CCDC30: variants seen among roughly 807,000 people sequenced by gnomAD.
The protein encoded by CCDC30 is coiled-coil domain-containing protein 30.
In CCDC30, 70 loss-of-function variants were observed where a neutral mutation model predicts 100.2. The observed-to-expected ratio is 0.70, with a 90% CI of 0.58 to 0.85. The LOEUF (loss-of-function observed/expected upper bound fraction) is 0.85, where lower values mean the gene tolerates loss of function less well. CCDC30 is among the 40% of genes least tolerant of loss of function. The pLI, the probability that CCDC30 is intolerant of heterozygous loss-of-function variation, is 0.00. For missense variants in CCDC30, 652 were observed against 771.2 expected, an observed-to-expected ratio of 0.85 and a Z score of 1.83; for synonymous variants, 233 against 269.5, an observed-to-expected ratio of 0.86 and a Z score of 1.33.
intron 11 of CCDC30, among the ~76,000 whole-genome samples, chr1:42,625,610 G>T (rs547454929): frequency 5.3e-5 from 8 of 151,348 alleles, no homozygotes; most frequent in Non-Finnish European, 2.9e-5. Context: ...TTTTTTCATT[G>T]GCCCACTGGT....
chr1:42,643,361 T>C (rs947786123), intron 13 of CCDC30, among the ~76,000 whole-genome samples: 2 of 152,176 alleles, frequency 1.3e-5, no homozygotes, highest in Non-Finnish European at 2.9e-5. Context: ...CATAGCACCA[T>C]AGTCTGGGGA....
chr1:42,546,400 ATATATATAT>A (rs1645139747), intron 6 of CCDC30, among the ~76,000 whole-genome samples: 1 of 97,622 alleles, frequency 1.0e-5, no homozygotes, highest in Non-Finnish European at 2.0e-5. Context: ...AAAAAAAAAA[ATATATATAT>A]ATATATATAT....
intron 6 of CCDC30, among the ~76,000 whole-genome samples, chr1:42,506,552 A>T (rs895469332): frequency 6.6e-6 from 1 of 152,220 alleles, no homozygotes; most frequent in Non-Finnish European, 1.5e-5. Context: ...GAAATCCCAT[A>T]CAATTTTGGA....
chr1:42,579,186 T>G (rs1645908033), intron 8 of CCDC30, among the ~76,000 whole-genome samples: 1 of 151,796 alleles, frequency 6.6e-6, no homozygotes, highest in East Asian at 2.0e-4. Context: ...GAGACGGGGT[T>G]TCACCATGTT....
exon 7 of CCDC30, chr1:42,566,317 C>T (rs1292937076): frequency 6.2e-7 from 1 of 1,613,428 alleles, no homozygotes; most frequent in Admixed American, 1.7e-5. Context: ...TGGAGAAAAA[C>T]TAAAATACAA....
intron 6 of CCDC30, among the ~76,000 whole-genome samples, chr1:42,547,848 GAC>G (rs1201762011): frequency 6.6e-6 from 1 of 152,142 alleles, no homozygotes; most frequent in Non-Finnish European, 1.5e-5. Flanking sequence ...TGTAAAATAA[GAC>G]ACAGTTTCTT....
At position 42,603,145 on chromosome 1, in the gene CCDC30, T is replaced by C. The variant is rs1575578; in HGVS notation, c.1165-7833T>C. 7.1e-3 allele frequency among the ~76,000 whole-genome samples: 1,080 copies of C among 152,326 alleles called. 12 individuals carry two copies. The highest frequency in any genetic ancestry group is 0.024 in the African/African-American group (1,008 of 41,584). On this transcript the variant is annotated intron_variant, in intron 10 of 16. Transcript: ENST00000668663. ...TTCCAGTCCTAGAGGTTGGGAAGTCTAAGATCAGGATGCCAGCAGTATTGG... is the reference window on the plus strand; with the variant it reads ...TTCCAGTCCTAGAGGTTGGGAAGTCCAAGATCAGGATGCCAGCAGTATTGG...
At chr1:42,535,730 A>ATATATATATAATATATAT (rs1220928057) in intron 6 of CCDC30, among the ~76,000 whole-genome samples, 13 of 118,438 alleles carry the variant, frequency 1.1e-4, no homozygotes, top group Admixed American at 3.3e-4. Flanking sequence ...AATTTTAAAA[A>ATATATATATAATATATAT]ATTAAAAAAA....
At position 42,500,834 on chromosome 1, in the gene CCDC30, C is replaced by T. The variant is rs76797989; in HGVS notation, c.456+1918C>T. 1.2e-3 allele frequency among the ~76,000 whole-genome samples: 179 copies of T among 152,334 alleles called. 2 individuals carry two copies. In the East Asian group the frequency reaches 0.033, roughly 28 times the overall value. ...CTCAAACACCTGGCCTGAAGTGATT[C>T]TCCATCTTTGGCTTCTTAAAGTGCT... On this transcript the variant is annotated intron_variant, in intron 6 of 16. Coordinates refer to ENST00000668663, the Ensembl canonical transcript of CCDC30.
At chr1:42,563,748 G>A (rs564921673) in intron 6 of CCDC30, among the ~76,000 whole-genome samples, 7 of 152,112 alleles carry the variant, frequency 4.6e-5, no homozygotes, top group African/African-American at 1.4e-4. Context: ...ATGGTGGCAC[G>A]CACCTGTAAT....
chr1:42,504,090 G>T (rs1644361231), intron 6 of CCDC30, among the ~76,000 whole-genome samples: 1 of 152,236 alleles, frequency 6.6e-6, no homozygotes, highest in Non-Finnish European at 1.5e-5. Flanking sequence ...GGAAACGAAG[G>T]GATGGGCTAA....
chr1:42,499,204 A>G (rs1644270735), intron 6 of CCDC30, among the ~76,000 whole-genome samples: 1 of 152,210 alleles, frequency 6.6e-6, no homozygotes, highest in South Asian at 2.1e-4. Context: ...TGGAGAACTA[A>G]TAAGATGTAG....
At chr1:42,498,909 G>A in exon 6 of CCDC30, 1 of 1,231,856 alleles carries the variant, frequency 8.1e-7, no homozygotes. Flanking sequence ...GGTGAACAGA[G>A]AGAACAGGTA....
rs375950938 is a variant in CCDC30 at position 42,579,938 on chromosome 1, C to CAA, written c.847-1411_847-1410dup. On this transcript the variant is annotated intron_variant, in intron 8 of 16. Transcript: ENST00000668663. ...TGGGCAATATAGCAACAGCACATCT[C>CAA]AAAAAAAAAAAACCTCTCATATATT... Among the ~76,000 whole-genome samples, 396 of 140,870 alleles carry CAA rather than the reference C, an allele frequency of 2.8e-3. 3 individuals are homozygous for CAA. The highest frequency in any genetic ancestry group is 0.018 in the South Asian group (83 of 4,508). 92.4% of individuals were successfully genotyped at this position (140,870 alleles called of 152,430 possible).
At position 42,585,626 on chromosome 1, in the gene CCDC30, G is replaced by A. The variant is rs192721018; in HGVS notation, c.1002-3695G>A. Among the ~76,000 whole-genome samples the A allele has an allele frequency of 6.0e-3, 910 of 152,006 alleles. 8 individuals are homozygous for A. Among genetic ancestry groups the A allele is most frequent in the African/African-American group, 0.02 (846 of 41,490 alleles). The stretch of plus-strand genomic sequence containing the variant: ...TCTTCTTTCTCTAGTTTCCTAAGGT[G>A]AAAGCTTAGATTACTGATTTTATAT... On this transcript the variant is annotated intron_variant, in intron 9 of 16. Coordinates refer to ENST00000668663, the Ensembl canonical transcript of CCDC30.
chr1:42,486,164 T>G (rs967813939), intron 3 of CCDC30, among the ~76,000 whole-genome samples: 2 of 152,154 alleles, frequency 1.3e-5, no homozygotes, highest in Non-Finnish European at 2.9e-5. Context: ...AACACAGACT[T>G]GTATGTAAAT....
At chr1:42,509,900 C>T (rs541347579) in intron 6 of CCDC30, among the ~76,000 whole-genome samples, 2 of 152,180 alleles carry the variant, frequency 1.3e-5, no homozygotes, top group Admixed American at 6.5e-5. Context: ...AAACTTTTAC[C>T]CTTTTGCCAG....
At chr1:42,476,496 G>A (rs1388985304) in intron 1 of CCDC30, among the ~76,000 whole-genome samples, 1 of 152,070 alleles carries the variant, frequency 6.6e-6, no homozygotes, top group Non-Finnish European at 1.5e-5. Flanking sequence ...TTCGAGACCA[G>A]CTTGACCAAC....
chr1:42,570,643 T>G (rs935662514), intron 7 of CCDC30, among the ~76,000 whole-genome samples: 1 of 152,158 alleles, frequency 6.6e-6, no homozygotes, highest in Non-Finnish European at 1.5e-5. Context: ...CTTTATAGTT[T>G]TATCAACTAT....
Sources: allele counts gnomAD v4.1 joint callset (sites outside exome capture counted in the v4.1 genomes callset), GRCh38; gene constraint gnomAD v4.1.1; transcripts MANE v1.5; gene names NCBI Gene and HGNC (gene_info 2026-07-23, HGNC 2026-07-21).